ASB2: variants seen among roughly 807,000 people sequenced by gnomAD.
The protein encoded by ASB2 is ankyrin repeat and SOCS box containing 2, also known as ankyrin repeat and SOCS box protein 2.
ASB2 carries 58 observed loss-of-function variants against 62.4 expected under a neutral mutation model. The ratio of observed to expected loss-of-function variants is 0.93; its 90% confidence interval spans 0.75 to 1.16. The LOEUF (loss-of-function observed/expected upper bound fraction) is 1.16, where lower values mean the gene tolerates loss of function less well. Ranked by LOEUF, ASB2 falls within the 50% of genes most tolerant of loss-of-function variation. The pLI, the probability that ASB2 is intolerant of heterozygous loss-of-function variation, is 0.00. For synonymous variants in ASB2, 386 were observed against 385.3 expected, an observed-to-expected ratio of 1.00 and a Z score of -0.02; for missense variants, 928 against 887.9, an observed-to-expected ratio of 1.05 and a Z score of -0.57.
chr14:93,939,381 G>A lies in ASB2; in HGVS notation c.1344C>T (p.Ala448=), dbSNP rs776862221. 7 of 1,612,912 alleles carry A rather than the reference G, an allele frequency of 4.3e-6. No individual in the cohort carries two copies. The highest frequency in any genetic ancestry group is 8.5e-7 in the Non-Finnish European group (1 of 1,179,844). ...TTGTGCGCAGGCAGCCGTGGCGGAT[G>A]GCCACGAGCAAGGGGCTGATGACGT... The part of the protein sequence containing the change: ...NRDVISPLLV[A]IRHGCLRTMQ... Residue 448 remains alanine (A), a synonymous_variant, in exon 8 of 10, where the codon GCC becomes GCT. Coordinates refer to ENST00000555019, the MANE Select transcript of ASB2 (RefSeq NM_001202429.2).
At chr14:93,959,632 C>T (rs1010052692) in intron 2 of ASB2, among the ~76,000 whole-genome samples, 1 of 152,204 alleles carries the variant, frequency 6.6e-6, no homozygotes, top group African/African-American at 2.4e-5. Flanking sequence ...GGTAGGGCCT[C>T]TGTCCTTTGT....
In ASB2 at chr14:93,934,205, C is replaced by T. The variant is rs1184518629; in HGVS notation, c.*451G>A. On this transcript the variant is annotated 3_prime_UTR_variant, in exon 10 of 10. Transcript: ENST00000555019. ...TTTATTATATTAATACTTAACAAAG[C>T]CCTCCAAGACCCAGGCTCCCCCTAC... The T allele has an allele frequency of 2.2e-6, 1 of 456,134 alleles. No individual in the cohort carries two copies. Among genetic ancestry groups the T allele is most frequent in the Non-Finnish European group, 4.4e-6 (1 of 226,972 alleles). 28.3% of individuals were successfully genotyped at this position (456,134 alleles called of 1,614,324 possible). A position where few individuals can be genotyped will look rare whatever the true frequency, so the allele number is the denominator to read the frequency against.
chr14:93,939,182 G>T lies in ASB2; in HGVS notation c.1543C>A (p.His515Asn). 6.3e-7 allele frequency: 1 copy of T among 1,586,860 alleles called. No homozygotes were observed. Among genetic ancestry groups the T allele is most frequent in the Non-Finnish European group, 8.6e-7 (1 of 1,161,838 alleles). Residue 515 changes from histidine to asparagine, a missense_variant, in exon 8 of 10, where the codon CAC (histidine) becomes AAC (asparagine). Coordinates refer to ENST00000555019, the MANE Select transcript of ASB2 (RefSeq NM_001202429.2). Reference sequence around the variant, plus strand: ...CTGGAGGGCTGCGGGGCCGGCGGGTGCGGGCCGTTGCCGTAGAGGCATGAG... The same window carrying T: ...CTGGAGGGCTGCGGGGCCGGCGGGTTCGGGCCGTTGCCGTAGAGGCATGAG... ...CFSCLYGNGP[H>N]PPAPQPSSRF...
At position 93,937,728 on chromosome 14, in the gene ASB2, CAAAGCT is replaced by C; in HGVS notation, c.1735_1740del (p.Ser579_Phe580del). On this transcript the variant is annotated inframe_deletion, in exon 9 of 10. Coordinates refer to ENST00000555019, the MANE Select transcript of ASB2 (RefSeq NM_001202429.2). The stretch of plus-strand genomic sequence containing the variant: ...TTCTCCTTGATGACGGCCCAGTCCT[CAAAGCT>C]GTCGATGTGTTCCTTCAGCCGCGAG... 6.2e-7 allele frequency: 1 copy of C among 1,612,132 alleles called. No homozygotes were observed. Among genetic ancestry groups the C allele is most frequent in the East Asian group, 2.2e-5 (1 of 44,816 alleles).
chr14:93,946,555 G>C (rs1268393730), intron 7 of ASB2, among the ~76,000 whole-genome samples: 1 of 152,252 alleles, frequency 6.6e-6, no homozygotes, highest in East Asian at 1.9e-4. Flanking sequence ...GTTGGGAAGA[G>C]GTGTGCAGTC....
At chr14:93,958,673 G>A (rs1270400130) in intron 2 of ASB2, among the ~76,000 whole-genome samples, 1 of 152,218 alleles carries the variant, frequency 6.6e-6, no homozygotes, top group Non-Finnish European at 1.5e-5. Context: ...TGGGTTCAGT[G>A]TCCTTTGCAT....
rs1201602375 is a variant in ASB2, at chr14:93,939,555, G to C, written c.1170C>G (p.Ser390Arg). 1 of 1,593,996 alleles carries C rather than the reference G, an allele frequency of 6.3e-7. No homozygotes were observed. Among genetic ancestry groups the C allele is most frequent in the Admixed American group, 1.7e-5 (1 of 58,470 alleles). ...GCGGCGTGTTCACGTCGAAGCGCGCGCTCAGCAGCGCCTCCAGCACCTCGT... is the reference window on the plus strand; with the variant it reads ...GCGGCGTGTTCACGTCGAAGCGCGCCCTCAGCAGCGCCTCCAGCACCTCGT... ...NHDEVLEALL[S>R]ARFDVNTPLA... The change falls in exon 8 of 10, where the codon AGC (serine) becomes AGG (arginine). Residue 390 changes from serine to arginine, a missense_variant. Ser to Arg is a moderately radical substitution (Grantham distance 110). Coordinates refer to ENST00000555019, the MANE Select transcript of ASB2 (RefSeq NM_001202429.2).
chr14:93,968,215 TC>T (rs1392802238), intron 1 of ASB2: 2 of 152,116 alleles, frequency 1.3e-5, no homozygotes, highest in Non-Finnish European at 2.9e-5. Flanking sequence ...ACCAGGCCCT[TC>T]CCAAGCCTCT....
At chr14:93,974,405 T>G (rs897503604) in intron 1 of ASB2, among the ~76,000 whole-genome samples, 1 of 152,228 alleles carries the variant, frequency 6.6e-6, no homozygotes, top group South Asian at 2.1e-4. Flanking sequence ...GCCACTCCTG[T>G]GACAGCTGGC....
intron 4 of ASB2, 105 bp from the exon 5 acceptor site, chr14:93,953,612 C>T: frequency 9.6e-7 from 1 of 1,036,904 alleles, no homozygotes; most frequent in South Asian, 1.9e-5. Flanking sequence ...TGTATGACAT[C>T]CTCTGAAATT....
chr14:93,934,696 C>T lies in ASB2; in HGVS notation c.1868G>A (p.Gly623Asp), dbSNP rs1888207420. The T allele has an allele frequency of 6.2e-7, 1 of 1,614,142 alleles. No individual in the cohort carries two copies. Among genetic ancestry groups the T allele is most frequent in the Non-Finnish European group, 8.5e-7 (1 of 1,180,006 alleles). Residue 623 changes from glycine to aspartate, a missense_variant, in exon 10 of 10, where the codon GGC becomes GAC. Coordinates refer to ENST00000555019, the MANE Select transcript of ASB2 (RefSeq NM_001202429.2). The stretch of plus-strand genomic sequence containing the variant: ...GTATTTCAGGTATCTAATCAGCCTG[C>T]CTGGGAGCGGCAAGGTGTCTAGGAG... ...IKLLDTLPLPGRLIRYLKYEN... is the reference protein window; with the variant it reads ...IKLLDTLPLPDRLIRYLKYEN...
chr14:93,945,395 T>C (rs1394094031), intron 7 of ASB2, among the ~76,000 whole-genome samples: 2 of 152,168 alleles, frequency 1.3e-5, no homozygotes, highest in Non-Finnish European at 2.9e-5. Flanking sequence ...AATCATGGAA[T>C]GCACTCTCCC....
chr14:93,942,885 A>G (rs190799633), intron 7 of ASB2, among the ~76,000 whole-genome samples: 5 of 152,320 alleles, frequency 3.3e-5, no homozygotes, highest in African/African-American at 7.2e-5. Context: ...GGTGATAGCT[A>G]TAGCTACCCT....
chr14:93,974,044 A>T (rs775619554), intron 1 of ASB2: 1 of 152,232 alleles, frequency 6.6e-6, no homozygotes, highest in Non-Finnish European at 1.5e-5. Flanking sequence ...GGAATCCTCC[A>T]TAGCCCCTCC....
chr14:93,954,978 C>T (rs1440615908), intron 3 of ASB2: 5 of 447,986 alleles, frequency 1.1e-5, no homozygotes, highest in Admixed American at 9.9e-5. Flanking sequence ...GAAGCCTTCA[C>T]AGTTTAAAAC....
rs746662045 is a variant in ASB2, at chr14:93,947,524, G to A, written c.881-4C>T. On this transcript the variant is annotated splice_polypyrimidine_tract_variant and splice_region_variant and intron_variant, in intron 6 of 9. Transcript: ENST00000555019. ...GCCTGCGTGTTGATGTCAGCACCTGGGGAAGGAGAAGAGATCAGCAAGTGG... is the reference window on the plus strand; with the variant it reads ...GCCTGCGTGTTGATGTCAGCACCTGAGGAAGGAGAAGAGATCAGCAAGTGG... The A allele has an allele frequency of 6.2e-7, 1 of 1,613,414 alleles. No individual in the cohort carries two copies. The highest frequency in any genetic ancestry group is 8.5e-7 in the Non-Finnish European group (1 of 1,179,902).
chr14:93,941,448 G>T (rs1888516653), intron 7 of ASB2: 2 of 324,090 alleles, frequency 6.2e-6, no homozygotes, highest in Non-Finnish European at 1.2e-5. Context: ...GGATCTCAGT[G>T]GAAAGTATTA....
At chr14:93,941,703 C>T (rs1189375197) in intron 7 of ASB2, 2 of 456,040 alleles carry the variant, frequency 4.4e-6, no homozygotes, top group East Asian at 6.9e-5. Context: ...GTGAGAGGGG[C>T]TGCCCCGGGG....
Position 93,947,854 on chromosome 14 carries a change from C to T in ASB2, c.881-334G>A, listed in dbSNP as rs1888794184. Among the ~76,000 whole-genome samples the T allele has an allele frequency of 1.3e-5, 2 of 151,886 alleles. 1 individual carries two copies. Among genetic ancestry groups the T allele is most frequent in the South Asian group, 4.2e-4 (2 of 4,798 alleles). On this transcript the variant is annotated intron_variant, in intron 6 of 9. Transcript: ENST00000555019. ...ACTAAAAATACAAAAATTAGCTGGG[C>T]ATGGTGGTGGGCGCCAGTAATCCCA...
Sources: gnomAD v4.1 joint callset for allele counts (sites outside exome capture counted in the v4.1 genomes callset) on GRCh38, gnomAD v4.1.1 for gene constraint, MANE v1.5 for transcripts, NCBI Gene and HGNC (gene_info 2026-07-23, HGNC 2026-07-21) for gene names.